The following PDE10A variants were observed in gnomAD, a reference collection of about 807,000 sequenced individuals.
PDE10A encodes phosphodiesterase 10A.
PDE10A carries 39 observed loss-of-function variants against 97.7 expected under a neutral mutation model. The ratio of observed to expected loss-of-function variants is 0.40; its 90% CI spans 0.31 to 0.52. PDE10A has a LOEUF of 0.52. Among genes scored for constraint, PDE10A ranks in the 20% least tolerant of loss-of-function variants. The pLI is 0.56. For missense variants in PDE10A, 731 were observed against 1,047.8 expected (o/e 0.70, Z 4.17); for synonymous variants, 371 against 376.8 (o/e 0.98, Z 0.18).
At chr6:165,424,765 A>T (rs1788995092) in intron 10 of PDE10A, among the ~76,000 whole-genome samples, 1 of 152,204 alleles carries the variant, frequency 6.6e-6, no homozygotes, top group South Asian at 2.1e-4. Context: ...AATAGCCTTT[A>T]TACCAGGAAT....
intron 1 of PDE10A, among the ~76,000 whole-genome samples, chr6:165,861,319 C>T (rs1352196659): frequency 2.0e-5 from 3 of 151,858 alleles, no homozygotes; most frequent in African/African-American, 7.3e-5. Flanking sequence ...AACCTTCCTG[C>T]CCTCTTAAGG....
chr6:165,884,685 T>C (rs1317454528), intron 1 of PDE10A, among the ~76,000 whole-genome samples: 1 of 152,260 alleles, frequency 6.6e-6, no homozygotes, highest in Non-Finnish European at 1.5e-5. Flanking sequence ...AAATGAATTT[T>C]ATGTAAAACA....
chr6:165,436,334 T>C (rs1366380430), intron 5 of PDE10A, among the ~76,000 whole-genome samples: 2 of 152,306 alleles, frequency 1.3e-5, no homozygotes, highest in East Asian at 1.9e-4. Context: ...ACAGGTATTA[T>C]TTATTAACTT....
At chr6:165,975,961 T>A (rs918654880) in intron 1 of PDE10A, among the ~76,000 whole-genome samples, 4 of 152,236 alleles carry the variant, frequency 2.6e-5, no homozygotes, top group African/African-American at 9.6e-5. Context: ...TGTAATTCTT[T>A]TGCATTGTAT....
chr6:165,459,450 T>A (rs1778160878), intron 3 of PDE10A, among the ~76,000 whole-genome samples: 1 of 151,728 alleles, frequency 6.6e-6, no homozygotes, highest in Non-Finnish European at 1.5e-5. Context: ...AATCCAAGAG[T>A]TGAAGCTATA....
At chr6:165,738,544 GATCAA>G (rs1792640107) in intron 1 of PDE10A, among the ~76,000 whole-genome samples, 1 of 151,948 alleles carries the variant, frequency 6.6e-6, no homozygotes, top group South Asian at 2.1e-4. Flanking sequence ...GGGATGGCTG[GATCAA>G]ATGGTATTTC....
chr6:165,743,545 C>G (rs897204017), intron 1 of PDE10A, among the ~76,000 whole-genome samples: 5 of 152,164 alleles, frequency 3.3e-5, no homozygotes, highest in South Asian at 2.1e-4. Context: ...TCTGAGTCAT[C>G]ATCTTACTTG....
intron 8 of PDE10A, among the ~76,000 whole-genome samples, chr6:165,430,593 A>C (rs1448766287): frequency 7.9e-6 from 1 of 126,370 alleles, no homozygotes; most frequent in East Asian, 2.6e-4. Context: ...TTTACATTTC[A>C]TAATGGACTT....
At chr6:165,647,832 T>C (rs564299112) in intron 1 of PDE10A, among the ~76,000 whole-genome samples, 1 of 152,330 alleles carries the variant, frequency 6.6e-6, no homozygotes, top group African/African-American at 2.4e-5. Flanking sequence ...GTCTCAGCAC[T>C]TGCTCTCCTG....
chr6:165,590,133 G>A (rs1385419577), intron 1 of PDE10A, among the ~76,000 whole-genome samples: 1 of 152,204 alleles, frequency 6.6e-6, no homozygotes, highest in African/African-American at 2.4e-5. Flanking sequence ...TTTCAGGAGT[G>A]TTTATGAAGA....
intron 13 of PDE10A, among the ~76,000 whole-genome samples, chr6:165,400,401 C>A (rs1786551648): frequency 6.6e-6 from 1 of 152,032 alleles, no homozygotes. Context: ...AATGAAAAGA[C>A]AAGCCAAAGA....
At chr6:165,967,081 C>T (rs1784532128) in intron 1 of PDE10A, among the ~76,000 whole-genome samples, 1 of 152,162 alleles carries the variant, frequency 6.6e-6, no homozygotes, top group Non-Finnish European at 1.5e-5. Context: ...GTACCAAGTG[C>T]TTGCCGTATA....
intron 1 of PDE10A, among the ~76,000 whole-genome samples, chr6:165,928,745 G>A (rs966314143): frequency 3.3e-5 from 5 of 152,140 alleles, no homozygotes; most frequent in Non-Finnish European, 7.3e-5. Flanking sequence ...ACATCACTTA[G>A]TGCCTCCTGA....
At chr6:165,600,028 C>T (rs1188174262) in intron 1 of PDE10A, among the ~76,000 whole-genome samples, 9 of 152,170 alleles carry the variant, frequency 5.9e-5, no homozygotes, top group African/African-American at 9.7e-5. Context: ...CTGTTCCCTC[C>T]GGGGCCACTG....
chr6:165,977,769 T>C (rs1261918947), intron 1 of PDE10A, among the ~76,000 whole-genome samples: 1 of 152,256 alleles, frequency 6.6e-6, no homozygotes, highest in Non-Finnish European at 1.5e-5. Context: ...TGAGGGTCTA[T>C]GTCCACTAAA....
At chr6:165,475,198 T>C (rs1174902790) in intron 3 of PDE10A, among the ~76,000 whole-genome samples, 1 of 152,180 alleles carries the variant, frequency 6.6e-6, no homozygotes, top group Non-Finnish European at 1.5e-5. Flanking sequence ...GCCCTCCTGA[T>C]AATATTGTTT....
At chr6:165,384,031 A>G (rs1437398108) in intron 17 of PDE10A, among the ~76,000 whole-genome samples, 1 of 152,134 alleles carries the variant, frequency 6.6e-6, no homozygotes, top group East Asian at 1.9e-4. Flanking sequence ...GGGGCCACTC[A>G]TGAAAGACTT....
intron 1 of PDE10A, among the ~76,000 whole-genome samples, chr6:165,757,156 G>A (rs1224773042): frequency 2.0e-5 from 3 of 152,022 alleles, no homozygotes; most frequent in South Asian, 2.1e-4. Context: ...TAGTAGAGAC[G>A]GGGTTTCACT....
chr6:165,837,890 T>G (rs1356423805), intron 1 of PDE10A, among the ~76,000 whole-genome samples: 1 of 152,130 alleles, frequency 6.6e-6, no homozygotes, highest in East Asian at 1.9e-4. Flanking sequence ...TTTCACCGTG[T>G]TAGCCAGGAT....
Sources: gnomAD v4.1 joint callset for allele counts (sites outside exome capture counted in the v4.1 genomes callset) on GRCh38, gnomAD v4.1.1 for gene constraint, MANE v1.5 for transcripts, NCBI Gene and HGNC (gene_info 2026-07-23, HGNC 2026-07-21) for gene names.